The following CFH variants were observed in gnomAD, a reference collection of about 807,000 sequenced individuals.
CFH encodes complement factor H.
A neutral mutation model predicts 147.3 loss-of-function variants in CFH; 53 were observed. The ratio of observed to expected loss-of-function variants is 0.36; its 90% CI spans 0.29 to 0.45. CFH has a LOEUF of 0.45. Ranked by LOEUF, CFH falls within the 20% of genes least tolerant of loss-of-function variation. CFH has a pLI of 1.00. For synonymous variants in CFH, 536 were observed against 489.4 expected (o/e 1.10, Z -1.26); for missense variants, 1,380 against 1,498.0 (o/e 0.92, Z 1.30).
rs543468932 is a variant in CFH at position 196,737,090 on chromosome 1, T to A, written c.2596+84T>A. The A allele has an allele frequency of 1.4e-4, 167 of 1,163,232 alleles. No homozygotes were observed. In the African/African-American group the frequency reaches 2.4e-3, roughly 17 times the overall value. 72.1% of individuals were successfully genotyped at this position (1,163,232 alleles called of 1,614,324 possible). ...TGCTTCGTGTAAACAAGAGAGAAGT[T>A]CTTTCTCTGTGTCTATTACTTTATC... On this transcript the variant is annotated intron_variant, in intron 16 of 21. Transcript: ENST00000367429.
In CFH at chr1:196,697,718, C is replaced by T. The variant is rs565180443; in HGVS notation, c.1336+7479C>T. Among the ~76,000 whole-genome samples the T allele has an allele frequency of 3.4e-3, 515 of 152,030 alleles. 2 individuals carry two copies. The highest frequency in any genetic ancestry group is 9.3e-3 in the African/African-American group (384 of 41,438). On this transcript the variant is annotated intron_variant, in intron 9 of 21. Transcript: ENST00000367429. ...GACACATGTACACGTATGTTTATTG[C>T]GGCACTATTCACAATAGCAAAGACT...
At chr1:196,697,493 A>G (rs1668313472) in intron 9 of CFH, among the ~76,000 whole-genome samples, 1 of 152,198 alleles carries the variant, frequency 6.6e-6, no homozygotes, top group African/African-American at 2.4e-5. Context: ...GATCATTAAA[A>G]AGTCAGGAAA....
rs763754726 is a variant in CFH at position 196,741,830 on chromosome 1, A to G, written c.2957-45A>G. The stretch of plus-strand genomic sequence containing the variant: ...CCATTACATGTATTGTATGTAACCT[A>G]TTTTTAAAGATTTGCGGAACAAATA... On this transcript the variant is annotated intron_variant, in intron 18 of 21. Coordinates refer to ENST00000367429, the MANE Select transcript of CFH (RefSeq NM_000186.4). 3.2e-6 allele frequency: 5 copies of G among 1,572,610 alleles called. No homozygotes were observed. The Admixed American group carries it at 6.7e-5, about 21-fold the overall frequency.
chr1:196,743,082 GCTGA>G lies in CFH; in HGVS notation c.3134-367_3134-364del, dbSNP rs1264797403. Among the ~76,000 whole-genome samples the G allele has an allele frequency of 2.6e-5, 4 of 152,090 alleles. No homozygotes were observed. In the East Asian group the frequency reaches 7.7e-4, roughly 29 times the overall value. ...ATCTGGTATCACATAATCTATTTATGCTGACTTTTTGCATTTTATAAATTAATGT... is the reference window on the plus strand; with the variant it reads ...ATCTGGTATCACATAATCTATTTATGCTTTTTGCATTTTATAAATTAATGT... On this transcript the variant is annotated intron_variant, in intron 19 of 21. Transcript: ENST00000367429.
chr1:196,704,457 T>C (rs990148727), intron 9 of CFH, among the ~76,000 whole-genome samples: 1 of 152,198 alleles, frequency 6.6e-6, no homozygotes, highest in Non-Finnish European at 1.5e-5. Context: ...TTCTCTGAGA[T>C]GATTGGACAT....
chr1:196,703,623 C>T (rs1668514607), intron 9 of CFH, among the ~76,000 whole-genome samples: 1 of 152,046 alleles, frequency 6.6e-6, no homozygotes, highest in African/African-American at 2.4e-5. Flanking sequence ...TGACTGAAAT[C>T]TCAGAAAAAA....
chr1:196,740,444 G>A (rs919415182), intron 17 of CFH, among the ~76,000 whole-genome samples, 175 bp from the exon 18 acceptor site: 2 of 152,100 alleles, frequency 1.3e-5, no homozygotes, highest in East Asian at 1.9e-4. Context: ...GTGACAGTCC[G>A]ATAGACAGAC....
chr1:196,739,120 GCTGCATAGAGCAGCAGGGACCTGAT>G (rs1652703736), intron 17 of CFH, among the ~76,000 whole-genome samples: 1 of 152,188 alleles, frequency 6.6e-6, no homozygotes, highest in African/African-American at 2.4e-5. Context: ...CAGTCCTGAG[GCTGCATAGAGCAGCAGGGACCTGAT>G]CCAGGTCCAT....
At chr1:196,687,868 T>C (rs927493882) in intron 7 of CFH, among the ~76,000 whole-genome samples, 1 of 152,044 alleles carries the variant, frequency 6.6e-6, no homozygotes, top group African/African-American at 2.4e-5. Flanking sequence ...AATTATAAGA[T>C]ATATGGATTG....
chr1:196,747,463 G>A lies in CFH; in HGVS notation c.*150G>A. The A allele has an allele frequency of 1.1e-5, 10 of 900,352 alleles. No individual in the cohort carries two copies. The highest frequency in any genetic ancestry group is 1.7e-5 in the Non-Finnish European group (10 of 571,914). 55.8% of individuals were successfully genotyped at this position (900,352 alleles called of 1,614,324 possible). A position where few individuals can be genotyped will look rare whatever the true frequency, so the allele number is the denominator to read the frequency against. On this transcript the variant is annotated 3_prime_UTR_variant, in exon 22 of 22. Transcript: ENST00000367429. ...ATGTAATTATAAGCTGAGACCGGTG[G>A]CTCTCTTCTTAAAAGCACCATATTA...
At chr1:196,715,025 T>C (rs1366812840) in intron 10 of CFH, among the ~76,000 whole-genome samples, 2 of 151,978 alleles carry the variant, frequency 1.3e-5, no homozygotes, top group African/African-American at 4.8e-5. Flanking sequence ...ATGTATACTG[T>C]TTTCATTTTT....
chr1:196,728,241 C>T, intron 14 of CFH, 105 bp from the exon 15 acceptor site: 1 of 815,916 alleles, frequency 1.2e-6, no homozygotes, highest in Non-Finnish European at 1.8e-6. Context: ...ATGATTAAGT[C>T]ATAATTTTAC....
At position 196,706,515 on chromosome 1, in the gene CFH, C is replaced by T. The variant is rs141708431; in HGVS notation, c.1337-7220C>T. Among the ~76,000 whole-genome samples the T allele has an allele frequency of 2.3e-4, 35 of 152,162 alleles. 1 individual carries two copies. In the East Asian group the frequency reaches 6.8e-3, roughly 30 times the overall value. The stretch of plus-strand genomic sequence containing the variant: ...CTGAAATAAACTTCAGCCTAAAATC[C>T]CTACCTAATGGAAGAAGATGTAAAG... On this transcript the variant is annotated intron_variant, in intron 9 of 21. Coordinates refer to ENST00000367429, the MANE Select transcript of CFH (RefSeq NM_000186.4).
At chr1:196,680,453 G>A (rs767063756) in intron 6 of CFH, among the ~76,000 whole-genome samples, 9 of 151,740 alleles carry the variant, frequency 5.9e-5, no homozygotes, top group Non-Finnish European at 8.8e-5. Flanking sequence ...CATTTTAAAC[G>A]GGAAAGTTTC....
intron 18 of CFH, chr1:196,741,557 G>A: frequency 6.0e-6 from 2 of 332,570 alleles, no homozygotes; most frequent in South Asian, 2.7e-5. Context: ...AGATTTGGGT[G>A]AGGACACAAA....
At chr1:196,655,144 T>C (rs1666643393) in intron 1 of CFH, among the ~76,000 whole-genome samples, 1 of 152,200 alleles carries the variant, frequency 6.6e-6, no homozygotes, top group Non-Finnish European at 1.5e-5. Context: ...TAATTTACTT[T>C]GAATTATTAT....
intron 20 of CFH, 102 bp from the exon 21 acceptor site, chr1:196,745,715 C>T: frequency 2.6e-6 from 4 of 1,509,452 alleles, no homozygotes; most frequent in East Asian, 2.3e-5. Flanking sequence ...AATCACAAAA[C>T]TGTTGATATT....
intron 1 of CFH, among the ~76,000 whole-genome samples, chr1:196,671,775 A>T (rs1204705423): frequency 2.8e-4 from 42 of 148,658 alleles, no homozygotes; most frequent in Admixed American, 5.4e-4. Context: ...ATATATAATA[A>T]AAGCCATTTA....
chr1:196,726,016 A>G (rs545117613), intron 12 of CFH, among the ~76,000 whole-genome samples: 28 of 152,288 alleles, frequency 1.8e-4, no homozygotes, highest in Non-Finnish European at 3.7e-4. Flanking sequence ...TGGACATTTT[A>G]TATAGTGTGG....
Sources: allele counts gnomAD v4.1 joint callset (sites outside exome capture counted in the v4.1 genomes callset), GRCh38; gene constraint gnomAD v4.1.1; transcripts MANE v1.5; gene names NCBI Gene and HGNC (gene_info 2026-07-23, HGNC 2026-07-21).